The following CTNNA1 variants were observed in gnomAD, a reference collection of about 807,000 sequenced individuals.
The protein encoded by CTNNA1 is catenin alpha 1.
Under a neutral mutation model 98.4 loss-of-function variants are expected in CTNNA1, and 37 were observed. The ratio of observed to expected loss-of-function variants is 0.38; its 90% CI spans 0.29 to 0.49. The LOEUF is 0.49. Ranked by LOEUF, CTNNA1 falls within the 20% of genes least tolerant of loss-of-function variation. The probability of loss-of-function intolerance (pLI) is 0.95; values close to 1 mark genes in which losing one functional copy is unlikely to be tolerated. For missense variants in CTNNA1, 761 were observed against 1,147.2 expected (o/e 0.66, Z 4.86); for synonymous variants, 404 against 413.2 (o/e 0.98, Z 0.27).
At chr5:138,921,946 T>G (rs951163619) in intron 11 of CTNNA1, among the ~76,000 whole-genome samples, 6 of 151,756 alleles carry the variant, frequency 4.0e-5, no homozygotes, top group Non-Finnish European at 5.9e-5. Context: ...TACTATATAG[T>G]TTACATGGCA....
Position 138,753,436 on chromosome 5 carries a change from C to G in CTNNA1, c.-77C>G, listed in dbSNP as rs1318122557. ...GGGCGGCCCATTTCCTCCTCCTAGC[C>G]GGACTGGAGGGAGACAAAGCAGCGC... On this transcript the variant is annotated 5_prime_UTR_variant, in exon 1 of 18. Coordinates refer to ENST00000302763, the MANE Select transcript of CTNNA1 (RefSeq NM_001903.5). 1.6e-5 allele frequency: 6 copies of G among 374,016 alleles called. No homozygotes were observed. Among genetic ancestry groups the G allele is most frequent in the Non-Finnish European group, 2.9e-5 (6 of 210,270 alleles). 23.2% of individuals were successfully genotyped at this position (374,016 alleles called of 1,614,324 possible). A position where few individuals can be genotyped will look rare whatever the true frequency, so the allele number is the denominator to read the frequency against.
At chr5:138,879,641 G>A (rs1752459676) in intron 7 of CTNNA1, among the ~76,000 whole-genome samples, 1 of 151,940 alleles carries the variant, frequency 6.6e-6, no homozygotes, top group African/African-American at 2.4e-5. Flanking sequence ...TTTTTTTCGT[G>A]GAGACAGGGT....
At chr5:138,808,956 C>G (rs1465428351) in intron 3 of CTNNA1, among the ~76,000 whole-genome samples, 2 of 152,064 alleles carry the variant, frequency 1.3e-5, no homozygotes, top group South Asian at 2.1e-4. Context: ...ATAAGTTTCA[C>G]AAGTTTCTAG....
intron 5 of CTNNA1, among the ~76,000 whole-genome samples, chr5:138,814,863 CT>C (rs1361764900): frequency 6.6e-6 from 1 of 152,082 alleles, no homozygotes; most frequent in Non-Finnish European, 1.5e-5. Flanking sequence ...AAGCTATTCT[CT>C]TGCCTCAGGC....
chr5:138,770,950 CA>C (rs10712613), intron 1 of CTNNA1, among the ~76,000 whole-genome samples: 76,823 of 128,098 alleles, frequency 0.6, 21,125 homozygotes, highest in East Asian at 0.88. Context: ...GACTCCGTCT[CA>C]AAAAAAAAAA....
intron 14 of CTNNA1, among the ~76,000 whole-genome samples, chr5:138,930,007 T>C (rs1011722392): frequency 2.0e-5 from 3 of 152,188 alleles, no homozygotes; most frequent in African/African-American, 7.2e-5. Flanking sequence ...CAGGTGTTGC[T>C]CAAGTATGGC....
chr5:138,872,268 A>G (rs1750738589), intron 7 of CTNNA1: 1 of 152,632 alleles, frequency 6.6e-6, no homozygotes, highest in South Asian at 2.1e-4. Flanking sequence ...TTATAAGTCA[A>G]ACGAGAAATG....
At chr5:138,845,089 G>A (rs1290387492) in intron 7 of CTNNA1, among the ~76,000 whole-genome samples, 2 of 152,200 alleles carry the variant, frequency 1.3e-5, no homozygotes, top group African/African-American at 2.4e-5. Context: ...GCAATACGGG[G>A]CTTGTGGAAA....
In CTNNA1 at chr5:138,934,228, G is replaced by A. The variant is rs1017057813; in HGVS notation, c.*139G>A. ...GGCAGACTGAACCAGTCCAGGTGGT[G>A]AATTTTCCAAGAACATAGTTTAAGT... On this transcript the variant is annotated 3_prime_UTR_variant, in exon 18 of 18. Transcript: ENST00000302763. 2 of 632,484 alleles carry A rather than the reference G, an allele frequency of 3.2e-6. No individual in the cohort carries two copies. The allele number at this position is 632,484 out of a possible 1,614,324, so 39.2% of individuals were successfully genotyped here. A position where few individuals can be genotyped will look rare whatever the true frequency, so the allele number is the denominator to read the frequency against.
Position 138,824,582 on chromosome 5 carries a change from T to C in CTNNA1, c.641T>C (p.Leu214Pro), listed in dbSNP as rs759512025. ...RDQMAAARGI[L>P]QKNVPILYTA... Reference sequence around the variant, plus strand: ...CAGATGGCTGCAGCTAGAGGAATCCTGCAGAAGAACGTTCCGATCCTCTAT... The same window carrying C: ...CAGATGGCTGCAGCTAGAGGAATCCCGCAGAAGAACGTTCCGATCCTCTAT... Residue 214 changes from leucine (L) to proline (P), a missense_variant, in exon 6 of 18, where the codon CTG (leucine) becomes CCG (proline). This residue lies in a region of CTNNA1 where 328 missense variants were observed against 354.3 expected (regional missense o/e 0.93). Coordinates refer to ENST00000302763, the MANE Select transcript of CTNNA1 (RefSeq NM_001903.5). The C allele has an allele frequency of 6.2e-7, 1 of 1,614,256 alleles. No individual in the cohort carries two copies. The highest frequency in any genetic ancestry group is 8.5e-7 in the Non-Finnish European group (1 of 1,180,044).
chr5:138,874,355 C>T lies in CTNNA1; in HGVS notation c.1063-11857C>T. The T allele has an allele frequency of 6.2e-7, 1 of 1,613,988 alleles. No individual in the cohort carries two copies. Among genetic ancestry groups the T allele is most frequent in the Non-Finnish European group, 8.5e-7 (1 of 1,179,894 alleles). ...TTCGAGCTCTGTGATGTGATTGTGC[C>T]TCAGGGACAGGCCCAGAGAGCCCTT... On this transcript the variant is annotated intron_variant, in intron 7 of 17. Coordinates refer to ENST00000302763, the MANE Select transcript of CTNNA1 (RefSeq NM_001903.5). The surrounding 1 kb of genome is among the most constrained non-coding windows in gnomAD (Gnocchi z 4.1).
At chr5:138,815,235 G>C (rs1189889753) in intron 5 of CTNNA1, among the ~76,000 whole-genome samples, 1 of 151,616 alleles carries the variant, frequency 6.6e-6, no homozygotes, top group East Asian at 1.9e-4. Flanking sequence ...TTTTTTGAAA[G>C]TAGTAGCAAA....
At chr5:138,919,570 A>G (rs1236119079) in intron 11 of CTNNA1, among the ~76,000 whole-genome samples, 2 of 152,244 alleles carry the variant, frequency 1.3e-5, no homozygotes, top group East Asian at 3.8e-4. Flanking sequence ...CTTTTAACAG[A>G]TACACTGTTG....
intron 6 of CTNNA1, among the ~76,000 whole-genome samples, chr5:138,825,409 T>A (rs2149778829): frequency 6.6e-6 from 1 of 152,006 alleles, no homozygotes; most frequent in South Asian, 2.1e-4. Flanking sequence ...TAAGGTTAAC[T>A]TTTTGGTGGG....
At position 138,874,811 on chromosome 5, in the gene CTNNA1, T is replaced by C. The variant is rs1474522269; in HGVS notation, c.1063-11401T>C. The C allele has an allele frequency of 3.3e-6, 4 of 1,218,754 alleles. No individual in the cohort carries two copies. Among genetic ancestry groups the C allele is most frequent in the Non-Finnish European group, 4.8e-6 (4 of 840,002 alleles). The allele number at this position is 1,218,754 out of a possible 1,614,324, so 75.5% of individuals were successfully genotyped here. A position where few individuals can be genotyped will look rare whatever the true frequency, so the allele number is the denominator to read the frequency against. Reference sequence around the variant, plus strand: ...TACCTAAACCTCAAAATCCAAAATATGATGGTGATTTCCCTCATAAAATGT... The same window carrying C: ...TACCTAAACCTCAAAATCCAAAATACGATGGTGATTTCCCTCATAAAATGT... On this transcript the variant is annotated intron_variant, in intron 7 of 17. Coordinates refer to ENST00000302763, the MANE Select transcript of CTNNA1 (RefSeq NM_001903.5). The surrounding 1 kb of genome is among the most constrained non-coding windows in gnomAD (Gnocchi z 4.1).
intron 3 of CTNNA1, among the ~76,000 whole-genome samples, chr5:138,799,380 G>A (rs1400862616): frequency 5.3e-5 from 8 of 152,158 alleles, no homozygotes; most frequent in South Asian, 4.2e-4. Context: ...GACTGGTCTC[G>A]AACTCCTGAC....
At chr5:138,827,947 A>G (rs1760883628) in intron 7 of CTNNA1, 3 of 537,068 alleles carry the variant, frequency 5.6e-6, no homozygotes, top group Non-Finnish European at 1.0e-5. Context: ...GTGAATACCT[A>G]GGAAATTTAT....
At chr5:138,933,189 A>AT (rs1561782365) in intron 17 of CTNNA1, among the ~76,000 whole-genome samples, 1 of 152,184 alleles carries the variant, frequency 6.6e-6, no homozygotes, top group African/African-American at 2.4e-5. Context: ...CCAGAGAGGA[A>AT]TTAAGAGTAG....
At chr5:138,777,827 C>T (rs1466964982) in intron 1 of CTNNA1, among the ~76,000 whole-genome samples, 6 of 146,400 alleles carry the variant, frequency 4.1e-5, no homozygotes, top group African/African-American at 5.1e-5. Flanking sequence ...AGCTTCAGCT[C>T]GGCATCAGTG....
Sources: gnomAD v4.1 joint callset for allele counts (sites outside exome capture counted in the v4.1 genomes callset) on GRCh38, gnomAD v4.1.1 for gene constraint, gnomAD v4.1.1 regional missense constraint, Gnocchi (gnomAD v3.1) non-coding constraint, MANE v1.5 for transcripts, NCBI Gene and HGNC (gene_info 2026-07-23, HGNC 2026-07-21) for gene names.